The following FBN1 variants were observed in gnomAD, a reference collection of about 807,000 sequenced individuals.
The protein encoded by FBN1 is fibrillin-1.
FBN1 carries 29 observed loss-of-function variants against 365.1 expected under a neutral mutation model. That is an observed-to-expected ratio of 0.08 (90% CI 0.06 to 0.11). The LOEUF (loss-of-function observed/expected upper bound fraction) is 0.11. FBN1 is among the 10% of genes least tolerant of loss of function. FBN1 has a pLI of 1.00. For synonymous variants in FBN1, 1,210 were observed against 1,270.5 expected, an observed-to-expected ratio of 0.95 and a Z score of 1.01; for missense variants, 2,476 against 3,703.2, an observed-to-expected ratio of 0.67 and a Z score of 8.60.
chr15:48,626,718 T>A (rs1396810788), intron 2 of FBN1, among the ~76,000 whole-genome samples: 4 of 152,196 alleles, frequency 2.6e-5, no homozygotes, highest in Admixed American at 1.3e-4. Context: ...GTTTTTTTTT[T>A]AATTTTGAAA....
At position 48,569,135 on chromosome 15, in the gene FBN1, T is replaced by A. The variant is rs112364864; in HGVS notation, c.538+27148A>T. ...ACTACAAGGAACTCTTACAACTCAA[T>A]AAGAAGATAACCCAATTTTAAAAGC... On this transcript the variant is annotated intron_variant, in intron 6 of 65. Transcript: ENST00000316623. 2.3e-3 allele frequency among the ~76,000 whole-genome samples: 352 copies of A among 151,988 alleles called. 4 individuals carry two copies. Among genetic ancestry groups the A allele is most frequent in the Admixed American group, 4.8e-3 (74 of 15,260 alleles).
At position 48,429,427 on chromosome 15, in the gene FBN1, A is replaced by G. The variant is rs766567890; in HGVS notation, c.6872-956T>C. On this transcript the variant is annotated intron_variant, in intron 56 of 65. Transcript: ENST00000316623. ...CATTAAAATATCTACAGATTCTTAGAATTATCTGATGATTATTTAGAAAGA... is the reference window on the plus strand; with the variant it reads ...CATTAAAATATCTACAGATTCTTAGGATTATCTGATGATTATTTAGAAAGA... Among the ~76,000 whole-genome samples, 31 of 152,206 alleles carry G rather than the reference A, an allele frequency of 2.0e-4. No individual in the cohort carries two copies. Among genetic ancestry groups the G allele is most frequent in the Non-Finnish European group, 3.7e-4 (25 of 68,042 alleles).
intron 63 of FBN1, among the ~76,000 whole-genome samples, chr15:48,420,470 T>C (rs1182391096): frequency 6.6e-6 from 1 of 151,072 alleles, no homozygotes; most frequent in Non-Finnish European, 1.5e-5. Context: ...GGGCATTTCA[T>C]TTCAGATGCT....
chr15:48,414,083 C>T (rs1402064528), intron 64 of FBN1, among the ~76,000 whole-genome samples: 1 of 152,150 alleles, frequency 6.6e-6, no homozygotes, highest in Non-Finnish European at 1.5e-5. Context: ...AACTCCTTTC[C>T]AGTATTTTCA....
intron 6 of FBN1, among the ~76,000 whole-genome samples, chr15:48,556,987 C>T (rs1341436393): frequency 1.3e-5 from 2 of 152,154 alleles, no homozygotes; most frequent in African/African-American, 4.8e-5. Flanking sequence ...ACAGACTTTT[C>T]GAATGCCCTT....
chr15:48,470,571 G>T (rs935132294), intron 36 of FBN1, 63 bp downstream of exon 36: 9 of 1,608,946 alleles, frequency 5.6e-6, no homozygotes, highest in Middle Eastern at 4.0e-4. Flanking sequence ...TCCCAGGGAG[G>T]CTCCAATAGC....
intron 13 of FBN1, 114 bp from the exon 14 acceptor site, chr15:48,510,283 T>C (rs2043748389): frequency 3.1e-6 from 3 of 957,338 alleles, no homozygotes; most frequent in Non-Finnish European, 4.8e-6. Flanking sequence ...TTTTAATTAC[T>C]TAATAATATT....
intron 42 of FBN1, among the ~76,000 whole-genome samples, chr15:48,461,285 A>T: frequency 6.6e-6 from 1 of 152,194 alleles, no homozygotes; most frequent in East Asian, 1.9e-4. Context: ...ATCAAGAAGA[A>T]ATCTTGCATT....
At chr15:48,582,714 C>A (rs1566932010) in intron 6 of FBN1, among the ~76,000 whole-genome samples, 1 of 152,184 alleles carries the variant, frequency 6.6e-6, no homozygotes, top group African/African-American at 2.4e-5. Flanking sequence ...GACGCCTAAA[C>A]AAACCATTTT....
intron 44 of FBN1, among the ~76,000 whole-genome samples, chr15:48,456,431 G>A (rs2043238653): frequency 6.6e-6 from 1 of 152,080 alleles, no homozygotes; most frequent in East Asian, 1.9e-4. Context: ...AAAGGGGCTG[G>A]GAATGTGCCT....
intron 47 of FBN1, among the ~76,000 whole-genome samples, chr15:48,446,422 G>A (rs34432644): frequency 1.3e-5 from 2 of 152,074 alleles, no homozygotes; most frequent in African/African-American, 4.8e-5. Flanking sequence ...TTAAACTTTA[G>A]GTATGTATGT....
Position 48,497,099 on chromosome 15 carries a change from A to G in FBN1, c.2293+167T>C, listed in dbSNP as rs149565203. On this transcript the variant is annotated intron_variant, in intron 19 of 65. Transcript: ENST00000316623. ...ATTCATAAACTGTGAAGATTCAGTG[A>G]TGTAAATTTTTGTTACTAAAGATAT... 5.2e-3 allele frequency among the ~76,000 whole-genome samples: 795 copies of G among 152,340 alleles called. 9 individuals carry two copies. The highest frequency in any genetic ancestry group is 0.019 in the African/African-American group (773 of 41,584).
At chr15:48,602,093 C>T (rs1427470165) in intron 4 of FBN1, among the ~76,000 whole-genome samples, 1 of 152,154 alleles carries the variant, frequency 6.6e-6, no homozygotes, top group Non-Finnish European at 1.5e-5. Context: ...AGAACCCTCT[C>T]TCTTACCTGC....
intron 7 of FBN1, among the ~76,000 whole-genome samples, chr15:48,536,023 A>T (rs2044009913): frequency 6.6e-6 from 1 of 152,114 alleles, no homozygotes; most frequent in African/African-American, 2.4e-5. Flanking sequence ...TCCTTTATGA[A>T]CCCATTTGCC....
At chr15:48,446,876 A>G in intron 46 of FBN1, 54 bp from the exon 47 acceptor site, 1 of 1,246,270 alleles carries the variant, frequency 8.0e-7, no homozygotes. Flanking sequence ...AAAAGTGGTT[A>G]CACGGTTACA....
chr15:48,569,541 A>G (rs1383317991), intron 6 of FBN1, among the ~76,000 whole-genome samples: 1 of 152,186 alleles, frequency 6.6e-6, no homozygotes, highest in Non-Finnish European at 1.5e-5. Context: ...AATATTATTC[A>G]TAATAGCCCC....
intron 10 of FBN1, among the ~76,000 whole-genome samples, chr15:48,520,398 T>A (rs1294544345): frequency 6.6e-6 from 1 of 152,170 alleles, no homozygotes; most frequent in African/African-American, 2.4e-5. Context: ...AAAATGAGAA[T>A]AAGTACTTCC....
At chr15:48,493,338 T>A (rs1444479333) in intron 23 of FBN1, among the ~76,000 whole-genome samples, 1 of 152,120 alleles carries the variant, frequency 6.6e-6, no homozygotes, top group Non-Finnish European at 1.5e-5. Context: ...GGGGGGAACA[T>A]TAGCTAAGAA....
chr15:48,474,745 C>T, intron 32 of FBN1, 95 bp from the exon 33 acceptor site: 1 of 1,518,750 alleles, frequency 6.6e-7, no homozygotes, highest in East Asian at 2.3e-5. Flanking sequence ...TGCCTTCAAA[C>T]TTCCCATGGT....
Sources: gnomAD v4.1 joint callset for allele counts (sites outside exome capture counted in the v4.1 genomes callset) on GRCh38, gnomAD v4.1.1 for gene constraint, MANE v1.5 for transcripts, NCBI Gene and HGNC (gene_info 2026-07-23, HGNC 2026-07-21) for gene names.